Variants in DLGAP1 observed in about 807,000 individuals in gnomAD.
DLGAP1 encodes the protein disks large-associated protein 1.
A neutral mutation model predicts 90.8 loss-of-function variants in DLGAP1; 11 were observed. That is an observed-to-expected ratio of 0.12 (90% CI 0.08 to 0.20). DLGAP1 has a LOEUF of 0.20. Among genes scored for constraint, DLGAP1 ranks in the 10% least tolerant of loss-of-function variants. The probability of loss-of-function intolerance (pLI) is 1.00; values close to 1 mark genes in which losing one functional copy is unlikely to be tolerated. For synonymous variants in DLGAP1, 558 were observed against 540.7 expected (o/e 1.03, Z -0.44); for missense variants, 1,050 against 1,333.8 (o/e 0.79, Z 3.31).
At chr18:4,361,626 T>C (rs1236065830) in intron 1 of DLGAP1, among the ~76,000 whole-genome samples, 3 of 152,168 alleles carry the variant, frequency 2.0e-5, no homozygotes, top group African/African-American at 7.2e-5. Flanking sequence ...AAGATGTAAA[T>C]GTAAGATCTA....
intron 5 of DLGAP1, among the ~76,000 whole-genome samples, chr18:3,807,818 T>C (rs985038987): frequency 6.7e-4 from 102 of 152,358 alleles, no homozygotes; most frequent in Admixed American, 6.4e-3. Flanking sequence ...GGACTTTCTT[T>C]TATTCTTTTG....
chr18:3,643,446 G>A (rs1220956381), intron 7 of DLGAP1, among the ~76,000 whole-genome samples: 4 of 151,960 alleles, frequency 2.6e-5, no homozygotes, highest in South Asian at 2.1e-4. Flanking sequence ...GGCGGATCAC[G>A]AGGTCAGGAG....
chr18:3,887,697 T>C (rs8086704), intron 3 of DLGAP1, among the ~76,000 whole-genome samples: 49,165 of 152,074 alleles, frequency 0.32, 8,697 homozygotes, highest in South Asian at 0.52. Flanking sequence ...ATCCCAATTC[T>C]ACAGAGATTG....
intron 6 of DLGAP1, among the ~76,000 whole-genome samples, chr18:3,737,361 G>T (rs1413786494): frequency 2.0e-5 from 3 of 151,152 alleles, no homozygotes; most frequent in Non-Finnish European, 4.4e-5. Flanking sequence ...GAACATTGAT[G>T]CAAAAATCCT....
At chr18:3,841,295 A>C (rs572491511) in intron 4 of DLGAP1, among the ~76,000 whole-genome samples, 4 of 152,316 alleles carry the variant, frequency 2.6e-5, no homozygotes, top group African/African-American at 9.6e-5. Context: ...TCTGTAGAGA[A>C]AGTGAGAAAG....
chr18:3,553,581 T>C (rs868312322), intron 9 of DLGAP1, among the ~76,000 whole-genome samples: 2 of 152,188 alleles, frequency 1.3e-5, no homozygotes, highest in Admixed American at 6.5e-5. Context: ...TCGCCCAGGA[T>C]GGAGTGCAAT....
At chr18:3,806,051 G>A (rs1391105010) in intron 5 of DLGAP1, among the ~76,000 whole-genome samples, 2 of 152,118 alleles carry the variant, frequency 1.3e-5, no homozygotes, top group African/African-American at 2.4e-5. Flanking sequence ...AAGGATTAGA[G>A]GCAGCTCCTA....
chr18:4,300,767 T>C (rs534940719), intron 1 of DLGAP1, among the ~76,000 whole-genome samples: 6 of 152,298 alleles, frequency 3.9e-5, no homozygotes, highest in East Asian at 1.9e-4. Context: ...TCCGGAATGA[T>C]AGGTTTATTA....
Position 4,001,127 on chromosome 18 carries a change from TTCTA to T in DLGAP1, c.-73+3985_-73+3988del, listed in dbSNP as rs935648189. On this transcript the variant is annotated intron_variant, in intron 3 of 12. Coordinates refer to ENST00000315677, the MANE Select transcript of DLGAP1 (RefSeq NM_004746.4). ...TTTTAAAAATATTCATTCTTTTCTT[TTCTA>T]TTTTTCTTAAGGAACTTTCTGCAGT... Among the ~76,000 whole-genome samples, 461 of 151,166 alleles carry T rather than the reference TTCTA, an allele frequency of 3.0e-3. 2 individuals carry two copies. Among genetic ancestry groups the T allele is most frequent in the Non-Finnish European group, 4.6e-3 (311 of 67,734 alleles).
intron 1 of DLGAP1, among the ~76,000 whole-genome samples, chr18:4,333,778 C>G (rs928285095): frequency 6.6e-6 from 1 of 151,204 alleles, no homozygotes; most frequent in African/African-American, 2.4e-5. Context: ...CACCACCACG[C>G]CCGGCTATTT....
chr18:3,523,756 G>A (rs1055787671), intron 10 of DLGAP1, among the ~76,000 whole-genome samples: 1 of 151,716 alleles, frequency 6.6e-6, no homozygotes. Flanking sequence ...GCTGAGGCAG[G>A]AGAATGGTGT....
chr18:4,421,971 C>T (rs1351825901), intron 1 of DLGAP1, among the ~76,000 whole-genome samples: 1 of 152,090 alleles, frequency 6.6e-6, no homozygotes, highest in Non-Finnish European at 1.5e-5. Flanking sequence ...GTGTCAGCCT[C>T]CCAAAGTGCT....
intron 2 of DLGAP1, among the ~76,000 whole-genome samples, chr18:4,046,054 C>T (rs923340650): frequency 6.6e-6 from 1 of 152,140 alleles, no homozygotes; most frequent in African/African-American, 2.4e-5. Flanking sequence ...TATCAGATTC[C>T]ATAAGAAGCT....
chr18:4,315,238 A>G (rs144433460), intron 1 of DLGAP1, among the ~76,000 whole-genome samples: 284 of 152,310 alleles, frequency 1.9e-3, no homozygotes, highest in African/African-American at 6.6e-3. Flanking sequence ...CAATATATTT[A>G]AAGTGCTTAT....
chr18:3,790,315 T>G (rs1755470880), intron 5 of DLGAP1, among the ~76,000 whole-genome samples: 1 of 151,832 alleles, frequency 6.6e-6, no homozygotes, highest in Non-Finnish European at 1.5e-5. Context: ...TCACCCAGGT[T>G]GGAGTACAGT....
At chr18:3,955,658 G>A (rs186861035) in intron 3 of DLGAP1, among the ~76,000 whole-genome samples, 80 of 151,730 alleles carry the variant, frequency 5.3e-4, no homozygotes, top group African/African-American at 1.9e-3. Flanking sequence ...AGGTTGTGGT[G>A]AGCCGAGATC....
intron 3 of DLGAP1, among the ~76,000 whole-genome samples, chr18:3,965,807 G>T (rs932449979): frequency 6.6e-6 from 1 of 151,798 alleles, no homozygotes; most frequent in African/African-American, 2.4e-5. Context: ...AATTATCCAG[G>T]CGTGATGGCA....
At chr18:3,916,049 G>A (rs1346060665) in intron 3 of DLGAP1, among the ~76,000 whole-genome samples, 1 of 152,162 alleles carries the variant, frequency 6.6e-6, no homozygotes, top group Non-Finnish European at 1.5e-5. Flanking sequence ...GGTCACCCTT[G>A]CTCAAGTAAA....
At position 3,749,391 on chromosome 18, in the gene DLGAP1, G is replaced by A. The variant is rs2063409195; in HGVS notation, c.1173-6879C>T. Among the ~76,000 whole-genome samples the A allele has an allele frequency of 2.0e-5, 3 of 152,042 alleles. No homozygotes were observed. In the South Asian group the frequency reaches 6.2e-4, roughly 32 times the overall value. On this transcript the variant is annotated intron_variant, in intron 5 of 12. Transcript: ENST00000315677. ...TGATCTTGAACTCATGACCTCAAGT[G>A]ATCTGCCTGCCTTGGCCTCCCAAAG... is the stretch of plus-strand genomic sequence containing the variant.
Sources: gnomAD v4.1 joint callset for allele counts (sites outside exome capture counted in the v4.1 genomes callset) on GRCh38, gnomAD v4.1.1 for gene constraint, MANE v1.5 for transcripts, NCBI Gene and HGNC (gene_info 2026-07-23, HGNC 2026-07-21) for gene names.